The following TMC1 variants were observed in gnomAD, a reference collection of about 807,000 sequenced individuals.
TMC1 encodes the protein transmembrane channel like 1, also known as transmembrane channel-like protein 1.
In TMC1, 84 loss-of-function variants were observed where a neutral mutation model predicts 105.8. The observed-to-expected ratio is 0.79, with a 90% CI of 0.67 to 0.95. TMC1 has a LOEUF of 0.95. Ranked by LOEUF, TMC1 falls within the 40% of genes least tolerant of loss-of-function variation. TMC1 has a pLI of 0.00. For missense variants in TMC1, 817 were observed against 914.1 expected (o/e 0.89, Z 1.37); for synonymous variants, 315 against 311.5 (o/e 1.01, Z -0.12).
chr9:72,536,369 GT>G (rs1307561387), intron 1 of TMC1, among the ~76,000 whole-genome samples: 10 of 152,124 alleles, frequency 6.6e-5, no homozygotes, highest in Non-Finnish European at 4.4e-5. Context: ...GTCTCGCTCC[GT>G]CACCCAGGCT....
intron 1 of TMC1, among the ~76,000 whole-genome samples, chr9:72,571,613 A>AT (rs565449337): frequency 1.3e-5 from 2 of 151,116 alleles, no homozygotes; most frequent in South Asian, 2.1e-4. Context: ...TGCCCAGCTA[A>AT]TTTTTTGTAT....
chr9:72,745,540 A>G (rs986023407), intron 10 of TMC1, among the ~76,000 whole-genome samples: 1 of 152,074 alleles, frequency 6.6e-6, no homozygotes, highest in Non-Finnish European at 1.5e-5. Flanking sequence ...TTATTTAATT[A>G]TATGTTTTGT....
intron 5 of TMC1, among the ~76,000 whole-genome samples, chr9:72,683,645 A>T (rs2132178853): frequency 6.7e-6 from 1 of 148,532 alleles, no homozygotes; most frequent in Admixed American, 6.8e-5. Context: ...TTCCTTATGA[A>T]ATATGACAAA....
intron 15 of TMC1, among the ~76,000 whole-genome samples, chr9:72,791,410 T>C (rs1257526210): frequency 3.3e-5 from 5 of 152,228 alleles, no homozygotes; most frequent in Admixed American, 3.3e-4. Context: ...ATTCAATATT[T>C]AGGCCTAGGC....
chr9:72,790,329 T>A (rs1828246322), intron 15 of TMC1, among the ~76,000 whole-genome samples: 1 of 152,154 alleles, frequency 6.6e-6, no homozygotes, highest in Non-Finnish European at 1.5e-5. Context: ...ACATTCTGAG[T>A]ATTTCAGAAG....
chr9:72,580,750 A>T (rs1223260287), intron 2 of TMC1, among the ~76,000 whole-genome samples: 1 of 152,236 alleles, frequency 6.6e-6, no homozygotes, highest in Non-Finnish European at 1.5e-5. Flanking sequence ...ACTCCTCCTT[A>T]CACAAAAATA....
chr9:72,751,984 C>T (rs1305177038), intron 11 of TMC1, 28 bp downstream of exon 11: 13 of 1,399,016 alleles, frequency 9.3e-6, no homozygotes, highest in South Asian at 1.2e-5. Context: ...GTTTACAAAA[C>T]ATGCTGAAAA....
At chr9:72,643,816 T>C (rs1410749895) in intron 4 of TMC1, among the ~76,000 whole-genome samples, 1 of 152,160 alleles carries the variant, frequency 6.6e-6, no homozygotes, top group Non-Finnish European at 1.5e-5. Context: ...CTAAGTCATA[T>C]GGTAGATGTA....
chr9:72,772,467 A>G lies in TMC1; in HGVS notation c.796A>G (p.Ile266Val), dbSNP rs536753857. ...TGGCTATTATGACAATAAACGAACA[A>G]TTGGATGGATGAATTTCAGGTTGCC... The part of the protein sequence containing the change: ...FYGYYDNKRT[I>V]GWMNFRLPLS... The change falls in exon 13 of 24, where the codon ATT (isoleucine) becomes GTT (valine). Residue 266 changes from isoleucine to valine, a missense_variant. By Grantham distance (29) the Ile-to-Val change is conservative. Transcript: ENST00000297784. 46 of 1,613,980 alleles carry G rather than the reference A, an allele frequency of 2.9e-5. No individual in the cohort carries two copies. In the South Asian group the frequency reaches 4.5e-4, roughly 16 times the overall value.
intron 5 of TMC1, among the ~76,000 whole-genome samples, chr9:72,672,835 C>CAT (rs1045465940): frequency 3.3e-5 from 5 of 150,936 alleles, no homozygotes; most frequent in Non-Finnish European, 5.9e-5. Flanking sequence ...CACACACACA[C>CAT]ACACACACAC....
At chr9:72,819,110 G>T (rs1828832209) in intron 19 of TMC1, among the ~76,000 whole-genome samples, 1 of 152,150 alleles carries the variant, frequency 6.6e-6, no homozygotes, top group Non-Finnish European at 1.5e-5. Flanking sequence ...TTCAATGTGG[G>T]GTGGAAGAAG....
At chr9:72,591,044 G>A (rs1824632133) in intron 2 of TMC1, among the ~76,000 whole-genome samples, 1 of 152,208 alleles carries the variant, frequency 6.6e-6, no homozygotes, top group Admixed American at 6.5e-5. Flanking sequence ...AGTGGTGCAA[G>A]ACTCTAAGGC....
At position 72,792,255 on chromosome 9, in the gene TMC1, A is replaced by T; in HGVS notation, c.1469A>T (p.Tyr490Phe). 2 of 1,614,192 alleles carry T rather than the reference A, an allele frequency of 1.2e-6. No individual in the cohort carries two copies. The highest frequency in any genetic ancestry group is 1.7e-6 in the Non-Finnish European group (2 of 1,180,022). ...TLWEANMIKA[Y>F]NASFSENSTG... ...TGGGAAGCCAATATGATCAAGGCCTACAATGCATCATTCTCTGAAAATAGC... is the reference window on the plus strand; with the variant it reads ...TGGGAAGCCAATATGATCAAGGCCTTCAATGCATCATTCTCTGAAAATAGC... Residue 490 changes from tyrosine to phenylalanine, a missense_variant, in exon 17 of 24, where the codon TAC becomes TTC. Coordinates refer to ENST00000297784, the MANE Select transcript of TMC1 (RefSeq NM_138691.3).
intron 5 of TMC1, among the ~76,000 whole-genome samples, chr9:72,683,445 C>T (rs866015606): frequency 6.6e-6 from 1 of 151,666 alleles, no homozygotes; most frequent in African/African-American, 2.4e-5. Context: ...ACTGAATGAC[C>T]TTATACCTAG....
chr9:72,806,542 G>T (rs1660300288), intron 18 of TMC1, among the ~76,000 whole-genome samples: 1 of 149,874 alleles, frequency 6.7e-6, no homozygotes, highest in Admixed American at 6.6e-5. Context: ...TCACTTCTCA[G>T]ACGGGGCAGT....
At chr9:72,764,625 A>T (rs989237283) in intron 12 of TMC1, among the ~76,000 whole-genome samples, 1 of 152,138 alleles carries the variant, frequency 6.6e-6, no homozygotes, top group Admixed American at 6.5e-5. Context: ...ACTGTCTTGG[A>T]TGATTTACTC....
intron 8 of TMC1, 70 bp downstream of exon 8, chr9:72,700,713 C>CATATATATATATATAT (rs72200654): frequency 5.1e-5 from 15 of 294,112 alleles, no homozygotes; most frequent in African/African-American, 4.4e-4. Context: ...CTGAATATTC[C>CATATATATATATATAT]ATATATATAT....
chr9:72,832,529 C>T (rs1023200812), intron 23 of TMC1, among the ~76,000 whole-genome samples: 3 of 152,306 alleles, frequency 2.0e-5, no homozygotes, highest in African/African-American at 7.2e-5. Flanking sequence ...AGTCAGGACC[C>T]ATCCTTGAAG....
intron 3 of TMC1, among the ~76,000 whole-genome samples, chr9:72,617,523 T>C (rs1466455870): frequency 2.6e-5 from 4 of 152,116 alleles, no homozygotes; most frequent in African/African-American, 9.7e-5. Flanking sequence ...AGCCGCAAGT[T>C]GTAAATATAT....
Sources: gnomAD v4.1 joint callset for allele counts (sites outside exome capture counted in the v4.1 genomes callset) on GRCh38, gnomAD v4.1.1 for gene constraint, MANE v1.5 for transcripts, NCBI Gene and HGNC (gene_info 2026-07-23, HGNC 2026-07-21) for gene names.